CEACAM5: variants seen among roughly 807,000 people sequenced by gnomAD.
The protein encoded by CEACAM5 is CEA cell adhesion molecule 5.
Under a neutral mutation model 63.0 loss-of-function variants are expected in CEACAM5, and 52 were observed. The observed-to-expected ratio is 0.83, with a 90% CI of 0.66 to 1.04. The LOEUF (loss-of-function observed/expected upper bound fraction) is 1.04, where lower values mean the gene tolerates loss of function less well. CEACAM5 is among the 50% of genes least tolerant of loss of function. The pLI is 0.00. For synonymous variants in CEACAM5, 357 were observed against 351.3 expected (o/e 1.02, Z -0.18); for missense variants, 790 against 864.8 (o/e 0.91, Z 1.08).
chr19:41,720,049 G>T lies in CEACAM5; in HGVS notation c.1612G>T (p.Gly538Cys), dbSNP rs782320520. The T allele has an allele frequency of 1.6e-5, 26 of 1,614,116 alleles. 1 individual carries two copies. The Admixed American group carries it at 4.3e-4, about 27-fold the overall frequency. Residue 538 changes from glycine to cysteine, a missense_variant, in exon 7 of 10, where the codon GGT (glycine) becomes TGT (cysteine). Coordinates refer to ENST00000221992, the MANE Select transcript of CEACAM5 (RefSeq NM_004363.6). ...CACAACCTACCTGTGGTGGGTAAAT[G>T]GTCAGAGCCTCCCAGTCAGTCCCAG... is the stretch of plus-strand genomic sequence containing the variant. ...QNTTYLWWVN[G>C]QSLPVSPRLQ...
intron 4 of CEACAM5, among the ~76,000 whole-genome samples, chr19:41,716,811 T>C (rs1242813060): frequency 6.6e-6 from 1 of 152,202 alleles, no homozygotes; most frequent in Non-Finnish European, 1.5e-5. Flanking sequence ...TGGTATTAAA[T>C]ATATTCCCCT....
intron 8 of CEACAM5, among the ~76,000 whole-genome samples, chr19:41,724,779 G>A (rs1331951113): frequency 6.6e-6 from 1 of 152,126 alleles, no homozygotes; most frequent in Non-Finnish European, 1.5e-5. Flanking sequence ...TTCATTGTTA[G>A]TGTGTAGAAG....
chr19:41,721,651 T>C (rs1252741926), intron 8 of CEACAM5, among the ~76,000 whole-genome samples: 1 of 152,268 alleles, frequency 6.6e-6, no homozygotes, highest in Non-Finnish European at 1.5e-5. Context: ...CTCTGCTCCC[T>C]GCTCTGCGCC....
intron 8 of CEACAM5, among the ~76,000 whole-genome samples, chr19:41,725,323 G>C (rs964380347): frequency 1.3e-5 from 2 of 149,706 alleles, no homozygotes; most frequent in Non-Finnish European, 3.0e-5. Context: ...TATTTCTGTA[G>C]AATTTGTAGC....
In CEACAM5 at chr19:41,720,226, C is replaced by T. The variant is rs782034562; in HGVS notation, c.1771+18C>T. ...TGTCCTCTGTGAGTATCTTCTGTTC[C>T]TCTGTGGCCCTGGTTTCCAACCCAA... On this transcript the variant is annotated intron_variant, in intron 7 of 9. Coordinates refer to ENST00000221992, the MANE Select transcript of CEACAM5 (RefSeq NM_004363.6). The T allele has an allele frequency of 6.2e-6, 10 of 1,608,084 alleles. 1 individual carries two copies. In the Middle Eastern group the frequency reaches 6.6e-4, roughly 106 times the overall value.
At chr19:41,714,085 G>A (rs377479884) in intron 2 of CEACAM5, among the ~76,000 whole-genome samples, 2 of 151,970 alleles carry the variant, frequency 1.3e-5, no homozygotes. Flanking sequence ...TGTGGTGGTG[G>A]GCGCCTGTAG....
intron 8 of CEACAM5, among the ~76,000 whole-genome samples, chr19:41,722,881 T>C (rs117824476): frequency 0.019 from 2,863 of 151,822 alleles, 54 homozygotes; most frequent in Admixed American, 0.054. Context: ...GATCAAATGT[T>C]AATTCTTTTT....
chr19:41,719,270 C>G (rs1337258851), intron 6 of CEACAM5, among the ~76,000 whole-genome samples: 2 of 152,180 alleles, frequency 1.3e-5, no homozygotes, highest in Admixed American at 6.5e-5. Flanking sequence ...ACCATTTTAA[C>G]CTTTCTATGT....
intron 9 of CEACAM5, among the ~76,000 whole-genome samples, chr19:41,728,111 C>T (rs1211807058): frequency 6.6e-6 from 1 of 152,192 alleles, no homozygotes; most frequent in Non-Finnish European, 1.5e-5. Context: ...GTGCCTGTGA[C>T]TGAGAACCTT....
intron 6 of CEACAM5, 147 bp from the exon 7 acceptor site, chr19:41,719,783 A>G (rs1336761587): frequency 1.4e-6 from 2 of 1,422,882 alleles, no homozygotes; most frequent in Non-Finnish European, 1.9e-6. Flanking sequence ...AGATCATCGT[A>G]CATCTGTCTT....
rs200472113 is a variant in CEACAM5, at chr19:41,715,656, C to A, written c.710C>A (p.Pro237Gln). Residue 237 changes from proline to glutamine, a missense_variant, in exon 4 of 10, where the codon CCG becomes CAG. Coordinates refer to ENST00000221992, the MANE Select transcript of CEACAM5 (RefSeq NM_004363.6). ...DSVILNVLYGPDAPTISPLNT... is the reference protein window; with the variant it reads ...DSVILNVLYGQDAPTISPLNT... ...TTTATTTTGTTTGCTCCAGATGGCCCGGATGCCCCCACCATTTCCCCTCTA... is the reference window on the plus strand; with the variant it reads ...TTTATTTTGTTTGCTCCAGATGGCCAGGATGCCCCCACCATTTCCCCTCTA... 6.2e-7 allele frequency: 1 copy of A among 1,614,150 alleles called. No homozygotes were observed. The highest frequency in any genetic ancestry group is 8.5e-7 in the Non-Finnish European group (1 of 1,180,008).
chr19:41,719,757 C>G (rs1379509102), intron 6 of CEACAM5, among the ~76,000 whole-genome samples, 173 bp from the exon 7 acceptor site: 1 of 152,194 alleles, frequency 6.6e-6, no homozygotes, highest in East Asian at 1.9e-4. Context: ...GCCGGCCTTA[C>G]AGTCTCTGAG....
At chr19:41,711,306 G>A (rs888838456) in intron 2 of CEACAM5, among the ~76,000 whole-genome samples, 5 of 152,156 alleles carry the variant, frequency 3.3e-5, no homozygotes, top group Non-Finnish European at 7.3e-5. Context: ...CGATGTGTCA[G>A]TGTCACTCCC....
At chr19:41,723,986 A>T (rs2072664055) in intron 8 of CEACAM5, among the ~76,000 whole-genome samples, 1 of 151,190 alleles carries the variant, frequency 6.6e-6, no homozygotes. Flanking sequence ...CATGAAGTCC[A>T]GTTTATCAAT....
In CEACAM5 at chr19:41,715,758, G is replaced by A. The variant is rs1357307683; in HGVS notation, c.812G>A (p.Trp271Ter). 2 of 1,614,042 alleles carry A rather than the reference G, an allele frequency of 1.2e-6. No homozygotes were observed. Among genetic ancestry groups the A allele is most frequent in the African/African-American group, 2.7e-5 (2 of 74,898 alleles). The change falls in exon 4 of 10, where the codon TGG becomes TAG. Residue 271 changes from tryptophan to a stop codon, truncating the protein, a stop_gained. Transcript: ENST00000221992. LOFTEE classifies it high-confidence loss of function. Reference sequence around the variant, plus strand: ...TCTAACCCACCTGCACAGTACTCTTGGTTTGTCAATGGGACTTTCCAGCAA... The same window carrying A: ...TCTAACCCACCTGCACAGTACTCTTAGTTTGTCAATGGGACTTTCCAGCAA... ...AASNPPAQYSWFVNGTFQQST... is the reference protein window; with the variant it reads ...AASNPPAQYS
chr19:41,715,646 C>A lies in CEACAM5; in HGVS notation c.704-4C>A. ...CACCTGTGGCTTTATTTTGTTTGCT[C>A]CAGATGGCCCGGATGCCCCCACCAT... On this transcript the variant is annotated splice_region_variant and splice_polypyrimidine_tract_variant and intron_variant, in intron 3 of 9. Transcript: ENST00000221992. 6.2e-7 allele frequency: 1 copy of A among 1,614,128 alleles called. No individual in the cohort carries two copies. The highest frequency in any genetic ancestry group is 8.5e-7 in the Non-Finnish European group (1 of 1,179,994).
At position 41,708,722 on chromosome 19, in the gene CEACAM5, A is replaced by G; in HGVS notation, c.-10A>G. The G allele has an allele frequency of 1.9e-6, 3 of 1,609,152 alleles. No homozygotes were observed. Among genetic ancestry groups the G allele is most frequent in the Non-Finnish European group, 2.5e-6 (3 of 1,177,338 alleles). On this transcript the variant is annotated 5_prime_UTR_variant, in exon 1 of 10. Transcript: ENST00000221992. Reference sequence around the variant, plus strand: ...CTCCACAGAGGAGGACAGAGCAGACAGCAGAGACCATGGAGTCTCCCTCGG... The same window carrying G: ...CTCCACAGAGGAGGACAGAGCAGACGGCAGAGACCATGGAGTCTCCCTCGG...
In CEACAM5 at chr19:41,714,257, G is replaced by A. The variant is rs1437172239; in HGVS notation, c.425-714G>A. On this transcript the variant is annotated intron_variant, in intron 2 of 9. Transcript: ENST00000221992. ...CAAAGAACATACATATGGTTCTGCT[G>A]TTAAATCCGGGCAGCTCCTGCCTGT... is the stretch of plus-strand genomic sequence containing the variant. Among the ~76,000 whole-genome samples, 7 of 152,290 alleles carry A rather than the reference G, an allele frequency of 4.6e-5. No individual in the cohort carries two copies. In the East Asian group the frequency reaches 5.8e-4, roughly 13 times the overall value.
rs782697595 is a variant in CEACAM5, at chr19:41,727,322, C to T, written c.*6C>T. ...TTGGGGTTGCTCTGATATAGCAGCC[C>T]TGGTGTAGTTTCTTCATTTCAGGAA... On this transcript the variant is annotated 3_prime_UTR_variant, in exon 9 of 10. Coordinates refer to ENST00000221992, the MANE Select transcript of CEACAM5 (RefSeq NM_004363.6). 8 of 1,605,782 alleles carry T rather than the reference C, an allele frequency of 5.0e-6. No individual in the cohort carries two copies. Among genetic ancestry groups the T allele is most frequent in the Admixed American group, 1.7e-5 (1 of 59,862 alleles).
Sources: allele counts gnomAD v4.1 joint callset (sites outside exome capture counted in the v4.1 genomes callset), GRCh38; gene constraint gnomAD v4.1.1; transcripts MANE v1.5; gene names NCBI Gene and HGNC (gene_info 2026-07-23, HGNC 2026-07-21).